DONSON: variants seen among roughly 807,000 people sequenced by gnomAD.
DONSON encodes the protein DNA replication fork stabilization factor DONSON, also known as protein downstream neighbor of Son.
In DONSON, 43 loss-of-function variants were observed where a neutral mutation model predicts 62.1. That is an observed-to-expected ratio of 0.69 (90% CI 0.54 to 0.89). DONSON has a LOEUF of 0.89. Among genes scored for constraint, DONSON ranks in the 40% least tolerant of loss-of-function variants. The pLI, the probability that DONSON is intolerant of heterozygous loss-of-function variation, is 0.00. For missense variants in DONSON, 696 were observed against 697.5 expected (o/e 1.00, Z 0.03); for synonymous variants, 266 against 264.6 (o/e 1.01, Z -0.05).
chr21:33,588,684 T>G lies in DONSON; in HGVS notation c.-43A>C. On this transcript the variant is annotated 5_prime_UTR_variant, in exon 1 of 10. Coordinates refer to ENST00000303071, the MANE Select transcript of DONSON (RefSeq NM_017613.4). ...GGTAGCCGGCCGCCCTACAGAGACTTCCCGCGCGCGCCGGGCCCGCCCCTG... is the reference window on the plus strand; with the variant it reads ...GGTAGCCGGCCGCCCTACAGAGACTGCCCGCGCGCGCCGGGCCCGCCCCTG... 2.5e-6 allele frequency: 3 copies of G among 1,221,816 alleles called. No individual in the cohort carries two copies. Among genetic ancestry groups the G allele is most frequent in the Non-Finnish European group, 3.1e-6 (3 of 981,376 alleles). 75.7% of individuals were successfully genotyped at this position (1,221,816 alleles called of 1,614,324 possible).
intron 3 of DONSON, among the ~76,000 whole-genome samples, chr21:33,585,268 T>C (rs2086564571): frequency 6.6e-6 from 1 of 152,152 alleles, no homozygotes; most frequent in African/African-American, 2.4e-5. Flanking sequence ...TCACTGAGGC[T>C]AGAGTACAGT....
At chr21:33,588,232 G>T in intron 1 of DONSON, 89 bp downstream of exon 1, 1 of 1,069,876 alleles carries the variant, frequency 9.3e-7, no homozygotes, top group Non-Finnish European at 1.2e-6. Context: ...TCCTTGCCTC[G>T]AACGCGAGGA....
Position 33,587,470 on chromosome 21 carries a change from G to T in DONSON, c.402+52C>A, listed in dbSNP as rs7283856. 3.9e-4 allele frequency: 589 copies of T among 1,499,678 alleles called. 1 individual carries two copies. Among genetic ancestry groups the T allele is most frequent in the Non-Finnish European group, 4.9e-4 (557 of 1,127,442 alleles). 92.9% of individuals were successfully genotyped at this position (1,499,678 alleles called of 1,614,324 possible). A position where few individuals can be genotyped will look rare whatever the true frequency, so the allele number is the denominator to read the frequency against. ...TTTTAAAAATAGGCTCAAATCCTATGAAAAAAAAGTTTATACAAATACACA... is the reference window on the plus strand; with the variant it reads ...TTTTAAAAATAGGCTCAAATCCTATTAAAAAAAAGTTTATACAAATACACA... On this transcript the variant is annotated intron_variant, in intron 2 of 9. Transcript: ENST00000303071.
chr21:33,583,370 A>G, intron 5 of DONSON, 118 bp downstream of exon 5: 1 of 826,948 alleles, frequency 1.2e-6, no homozygotes, highest in South Asian at 3.0e-5. Flanking sequence ...TAAAGAAATA[A>G]TATATTTCTT....
Position 33,578,332 on chromosome 21 carries a change from T to G in DONSON, c.1676A>C (p.Asp559Ala), listed in dbSNP as rs756970023. The G allele has an allele frequency of 3.7e-6, 6 of 1,613,828 alleles. No individual in the cohort carries two copies. Among genetic ancestry groups the G allele is most frequent in the Non-Finnish European group, 5.1e-6 (6 of 1,179,854 alleles). ...TCAGGATCTCCAATTATAAATGTAG[T>G]CTCTCAGCACCACATTCCGTAAAGA... ...KSSLRNVVLR[D>A]YIYNWRS Residue 559 changes from aspartate (D) to alanine (A), a missense_variant, in exon 10 of 10, where the codon GAC (aspartate) becomes GCC (alanine). Transcript: ENST00000303071.
chr21:33,577,572 A>T lies in DONSON; in HGVS notation c.*735T>A, dbSNP rs1315873327. The T allele has an allele frequency of 1.3e-5, 2 of 148,498 alleles. No homozygotes were observed. The highest frequency in any genetic ancestry group is 4.3e-4 in the South Asian group (2 of 4,650). 9.2% of individuals were successfully genotyped at this position (148,498 alleles called of 1,614,324 possible). A position where few individuals can be genotyped will look rare whatever the true frequency, so the allele number is the denominator to read the frequency against. On this transcript the variant is annotated 3_prime_UTR_variant, in exon 10 of 10. Coordinates refer to ENST00000303071, the MANE Select transcript of DONSON (RefSeq NM_017613.4). Reference sequence around the variant, plus strand: ...ATGCTTTTGATTTTTAAGCACTTTTATTTTAAAAATGTGAATTATACAGTC... The same window carrying T: ...ATGCTTTTGATTTTTAAGCACTTTTTTTTTAAAAATGTGAATTATACAGTC...
rs964807248 is a variant in DONSON, at chr21:33,588,323, G to C, written c.319C>G (p.Pro107Ala). The C allele has an allele frequency of 4.7e-6, 6 of 1,287,736 alleles. No individual in the cohort carries two copies. The highest frequency in any genetic ancestry group is 4.9e-6 in the Non-Finnish European group (5 of 1,021,804). The allele number at this position is 1,287,736 out of a possible 1,614,324, so 79.8% of individuals were successfully genotyped here. A position where few individuals can be genotyped will look rare whatever the true frequency, so the allele number is the denominator to read the frequency against. Residue 107 changes from proline to alanine, a missense_variant and splice_region_variant, in exon 1 of 10, where the codon CCG becomes GCG. Pro to Ala is a conservative substitution (Grantham distance 27, BLOSUM62 -1). Transcript: ENST00000303071. ...PAREQPEAPV[P>A]FLDSNQENDL... is the part of the protein sequence containing the mutation. ...CGGCCAGGCTACAAGACACTCACCG[G>C]GACCGGGGCCTCCGGCTGCTCGCGG...
intron 9 of DONSON, among the ~76,000 whole-genome samples, chr21:33,579,101 T>A (rs1349125463): frequency 4.7e-5 from 7 of 150,368 alleles, no homozygotes; most frequent in Admixed American, 4.6e-4. Flanking sequence ...CTCGCGCCGC[T>A]GCACTCCAGC....
chr21:33,586,216 T>C, intron 2 of DONSON, 35 bp from the exon 3 acceptor site: 1 of 1,584,146 alleles, frequency 6.3e-7, no homozygotes, highest in Non-Finnish European at 8.7e-7. Flanking sequence ...ATTAGTCGAG[T>C]ATCAAGAAAA....
chr21:33,587,712 T>G, intron 1 of DONSON, 110 bp from the exon 2 acceptor site: 1 of 668,420 alleles, frequency 1.5e-6, no homozygotes. Flanking sequence ...CAAGTACACC[T>G]AAATTCAGAG....
chr21:33,585,669 ACTT>A (rs1555902918), intron 3 of DONSON, among the ~76,000 whole-genome samples: 1 of 151,626 alleles, frequency 6.6e-6, no homozygotes, highest in Non-Finnish European at 1.5e-5. Flanking sequence ...ATTGCTTTTC[ACTT>A]CTTTCTTTGT....
rs932168555 is a variant in DONSON at position 33,579,371 on chromosome 21, T to C, written c.1542A>G (p.Gln514=). The change falls in exon 9 of 10, where the codon CAA becomes CAG. Residue 514 remains glutamine, a synonymous_variant. Coordinates refer to ENST00000303071, the MANE Select transcript of DONSON (RefSeq NM_017613.4). ...TTACCATATCAAGTACTTTGTCCAT[T>C]TGCAGGCAGATGTTAAATACAGCAG... The part of the protein sequence containing the change: ...EPTAVFNICL[Q]MDKVLDMEVV... The C allele has an allele frequency of 3.1e-6, 5 of 1,606,178 alleles. No homozygotes were observed. The highest frequency in any genetic ancestry group is 4.3e-6 in the Non-Finnish European group (5 of 1,174,122).
Position 33,588,677 on chromosome 21 carries a change from A to G in DONSON, c.-36T>C, listed in dbSNP as rs1401091150. 25 of 1,224,040 alleles carry G rather than the reference A, an allele frequency of 2.0e-5. No homozygotes were observed. The African/African-American group carries it at 2.7e-4, about 13-fold the overall frequency. 75.8% of individuals were successfully genotyped at this position (1,224,040 alleles called of 1,614,324 possible). On this transcript the variant is annotated 5_prime_UTR_variant, in exon 1 of 10. Coordinates refer to ENST00000303071, the MANE Select transcript of DONSON (RefSeq NM_017613.4). ...GGCTGAGGGTAGCCGGCCGCCCTAC[A>G]GAGACTTCCCGCGCGCGCCGGGCCC... is the stretch of plus-strand genomic sequence containing the variant.
At chr21:33,582,984 G>A (rs1018226213) in intron 5 of DONSON, among the ~76,000 whole-genome samples, 1 of 151,770 alleles carries the variant, frequency 6.6e-6, no homozygotes, top group African/African-American at 2.4e-5. Flanking sequence ...GGCGGATCAC[G>A]AGGTCAGGAG....
intron 3 of DONSON, among the ~76,000 whole-genome samples, chr21:33,585,408 T>TG (rs2086566457): frequency 6.7e-6 from 1 of 148,196 alleles, no homozygotes; most frequent in Non-Finnish European, 1.5e-5. Flanking sequence ...TTTTTTTTTT[T>TG]GTAGAGATGG....
chr21:33,578,012 G>A lies in DONSON; in HGVS notation c.*295C>T, dbSNP rs2086455779. The A allele has an allele frequency of 1.4e-5, 3 of 220,348 alleles. No individual in the cohort carries two copies. In the South Asian group the frequency reaches 3.7e-4, roughly 27 times the overall value. The allele number at this position is 220,348 out of a possible 1,614,324, so 13.6% of individuals were successfully genotyped here. ...CTGATGCCATTAGTCACAATGCCAT[G>A]GGGTAACTGCTATGTGATTTCCCAT... On this transcript the variant is annotated 3_prime_UTR_variant, in exon 10 of 10. Transcript: ENST00000303071.
At chr21:33,581,128 T>C (rs559628515) in intron 8 of DONSON, 174 bp downstream of exon 8, 1 of 565,246 alleles carries the variant, frequency 1.8e-6, no homozygotes, top group African/African-American at 1.9e-5. Context: ...TATTTCCACA[T>C]AATTTCTTTG....
intron 3 of DONSON, among the ~76,000 whole-genome samples, chr21:33,585,172 A>AT (rs370872925): frequency 1.3e-5 from 2 of 152,286 alleles, no homozygotes; most frequent in African/African-American, 4.8e-5. Flanking sequence ...GAAAAGATGT[A>AT]TAATATACCA....
chr21:33,583,150 G>A (rs899823873), intron 5 of DONSON, among the ~76,000 whole-genome samples: 7 of 138,274 alleles, frequency 5.1e-5, no homozygotes, highest in Admixed American at 7.8e-5. Context: ...GCAGTGAGCC[G>A]AGATTGCACC....
Sources: allele counts gnomAD v4.1 joint callset (sites outside exome capture counted in the v4.1 genomes callset), GRCh38; gene constraint gnomAD v4.1.1; transcripts MANE v1.5; gene names NCBI Gene and HGNC (gene_info 2026-07-23, HGNC 2026-07-21).